LNX1: variants seen among roughly 807,000 people sequenced by gnomAD.
LNX1 encodes the protein ligand of numb-protein X 1.
A neutral mutation model predicts 68.4 loss-of-function variants in LNX1; 54 were observed. The observed-to-expected ratio is 0.79, with a 90% CI of 0.63 to 0.99. The LOEUF (loss-of-function observed/expected upper bound fraction) is 0.99. Among genes scored for constraint, LNX1 ranks in the 50% least tolerant of loss-of-function variants. LNX1 has a pLI of 0.00. For missense variants in LNX1, 906 were observed against 926.4 expected, an observed-to-expected ratio of 0.98 and a Z score of 0.29; for synonymous variants, 336 against 350.0, an observed-to-expected ratio of 0.96 and a Z score of 0.45.
intron 7 of LNX1, among the ~76,000 whole-genome samples, chr4:53,479,916 T>G (rs946332732): frequency 4.6e-5 from 7 of 152,262 alleles, no homozygotes; most frequent in African/African-American, 1.4e-4. Flanking sequence ...ACATTCCATG[T>G]GCACTTAGTC....
intron 2 of LNX1, among the ~76,000 whole-genome samples, chr4:53,608,733 G>A (rs1733330022): frequency 6.6e-6 from 1 of 152,036 alleles, no homozygotes; most frequent in Middle Eastern, 3.2e-3. Flanking sequence ...ACGGTAGAAT[G>A]GATAAAAAAA....
At chr4:53,479,012 G>A (rs2109411741) in intron 7 of LNX1, among the ~76,000 whole-genome samples, 2 of 152,170 alleles carry the variant, frequency 1.3e-5, no homozygotes, top group Middle Eastern at 3.4e-3. Context: ...CACTTCAAAA[G>A]GAAAGAGTAA....
chr4:53,544,693 A>G (rs986534587), intron 2 of LNX1, among the ~76,000 whole-genome samples: 2 of 152,230 alleles, frequency 1.3e-5, no homozygotes, highest in Non-Finnish European at 2.9e-5. Context: ...CGAAGAAAGG[A>G]AGCTGGCTTG....
chr4:53,486,002 T>C (rs1724265661), intron 6 of LNX1, among the ~76,000 whole-genome samples: 1 of 152,148 alleles, frequency 6.6e-6, no homozygotes, highest in Admixed American at 6.5e-5. Flanking sequence ...AAAAGGATGG[T>C]TTAACAATGG....
intron 9 of LNX1, among the ~76,000 whole-genome samples, chr4:53,464,222 A>G (rs1722466705): frequency 6.6e-6 from 1 of 152,102 alleles, no homozygotes; most frequent in Admixed American, 6.5e-5. Flanking sequence ...GCCCCAATTT[A>G]TATGAACTAT....
At chr4:53,592,992 T>C (rs1291545923), upstream of LNX1, 1 of 152,352 alleles carries the variant, frequency 6.6e-6, no homozygotes, top group African/African-American at 2.4e-5. Flanking sequence ...GGGAACTCTG[T>C]GCCTTTTGAG....
intron 2 of LNX1, among the ~76,000 whole-genome samples, chr4:53,540,251 C>T (rs578012744): frequency 2.0e-5 from 3 of 152,106 alleles, no homozygotes; most frequent in South Asian, 4.2e-4. Context: ...GGCATGGGGG[C>T]GTGCACCTGT....
At chr4:53,523,007 T>C (rs1727345769) in intron 2 of LNX1, 1 of 152,264 alleles carries the variant, frequency 6.6e-6, no homozygotes, top group Admixed American at 6.5e-5. Flanking sequence ...TAACCTTGGC[T>C]GAGCAACAGA....
chr4:53,649,618 A>G (rs1735017274), intron 1 of LNX1, among the ~76,000 whole-genome samples: 1 of 152,182 alleles, frequency 6.6e-6, no homozygotes, highest in African/African-American at 2.4e-5. Flanking sequence ...TCTATCAGTT[A>G]CAGTATTTCA....
At chr4:53,524,166 T>C (rs1446952825) in intron 2 of LNX1, 2 of 152,176 alleles carry the variant, frequency 1.3e-5, no homozygotes, top group Non-Finnish European at 2.9e-5. Flanking sequence ...TTAAATTATA[T>C]ATATATTTTT....
At chr4:53,501,311 G>GGGGGGGGAA (rs1553932778) in intron 4 of LNX1, among the ~76,000 whole-genome samples, 3 of 55,694 alleles carry the variant, frequency 5.4e-5, no homozygotes, top group Admixed American at 2.3e-4. Context: ...GGGGTGGGGG[G>GGGGGGGGAA]ACAGGATCTC....
intron 2 of LNX1, among the ~76,000 whole-genome samples, chr4:53,570,245 C>T (rs1453130722): frequency 2.7e-5 from 4 of 147,576 alleles, no homozygotes; most frequent in African/African-American, 1.0e-4. Flanking sequence ...TTCACAATAG[C>T]AAAGACTTGG....
intron 2 of LNX1, among the ~76,000 whole-genome samples, chr4:53,547,251 T>C (rs145760212): frequency 6.6e-6 from 1 of 152,348 alleles, no homozygotes; most frequent in African/African-American, 2.4e-5. Context: ...AAGTATGTCT[T>C]AGAATTGATG....
At chr4:53,594,698 TTTTC>T (rs370832025), upstream of LNX1, among the ~76,000 whole-genome samples, 40 of 152,020 alleles carry the variant, frequency 2.6e-4, no homozygotes, top group African/African-American at 8.5e-4. Flanking sequence ...TCTTACTTTC[TTTTC>T]TTTCTTTCTT....
chr4:53,501,916 T>TA (rs1725532992), intron 4 of LNX1: 1 of 152,258 alleles, frequency 6.6e-6, no homozygotes, highest in Non-Finnish European at 1.5e-5. Context: ...ACATGGCTGC[T>TA]ATCTCTGTCT....
Position 53,478,720 on chromosome 4 carries a change from C to T in LNX1, c.1508G>A (p.Cys503Tyr), listed in dbSNP as rs867708712. The change falls in exon 8 of 11, where the codon TGT becomes TAT. Residue 503 changes from cysteine (C) to tyrosine (Y), a missense_variant. Transcript: ENST00000263925. ...TTGGATATTTACCACCTTCTCATGA[C>T]AAGTAATTGTAGGATGGAGGGGCTG... Reference protein sequence around the residue: ...TPKPLHPTITCHEKVVNIQKD... With the variant: ...TPKPLHPTITYHEKVVNIQKD... 5 of 1,613,744 alleles carry T rather than the reference C, an allele frequency of 3.1e-6. No homozygotes were observed. The highest frequency in any genetic ancestry group is 2.7e-5 in the African/African-American group (2 of 74,856).
intron 2 of LNX1, among the ~76,000 whole-genome samples, chr4:53,568,549 G>T (rs1310440171): frequency 1.3e-5 from 2 of 150,940 alleles, no homozygotes; most frequent in Non-Finnish European, 2.9e-5. Context: ...CATACTGAAT[G>T]GGCAAAAACT....
chr4:53,645,722 C>G (rs181104944), intron 1 of LNX1, among the ~76,000 whole-genome samples: 11 of 152,282 alleles, frequency 7.2e-5, no homozygotes, highest in Admixed American at 5.9e-4. Context: ...TCTCACATGA[C>G]CACCTTCCCT....
chr4:53,487,806 A>T (rs1382387788), intron 6 of LNX1, among the ~76,000 whole-genome samples: 1 of 152,228 alleles, frequency 6.6e-6, no homozygotes, highest in Admixed American at 6.5e-5. Flanking sequence ...TATTTTAATA[A>T]TCACTTCTTT....
Sources: gnomAD v4.1 joint callset for allele counts (sites outside exome capture counted in the v4.1 genomes callset) on GRCh38, gnomAD v4.1.1 for gene constraint, MANE v1.5 for transcripts, NCBI Gene and HGNC (gene_info 2026-07-23, HGNC 2026-07-21) for gene names.